Variants in SACM1L observed in about 807,000 individuals in gnomAD.
SACM1L encodes the protein phosphatidylinositol-3-phosphatase SAC1.
SACM1L carries 32 observed loss-of-function variants against 89.5 expected under a neutral mutation model. The observed-to-expected ratio is 0.36, with a 90% CI of 0.27 to 0.48. The LOEUF (loss-of-function observed/expected upper bound fraction) is 0.48. SACM1L is among the 20% of genes least tolerant of loss of function. The pLI is 0.99. For synonymous variants in SACM1L, 213 were observed against 232.8 expected, an observed-to-expected ratio of 0.92 and a Z score of 0.77; for missense variants, 543 against 708.5, an observed-to-expected ratio of 0.77 and a Z score of 2.65.
In SACM1L at chr3:45,732,137, G is replaced by T; in HGVS notation, c.1086G>T (p.Met362Ile). Residue 362 changes from methionine (M) to isoleucine (I), a missense_variant, in exon 13 of 20, where the codon ATG (methionine) becomes ATT (isoleucine). This residue lies in a region of SACM1L where 370 missense variants were observed against 527.6 expected (regional missense o/e 0.70). Coordinates refer to ENST00000389061, the MANE Select transcript of SACM1L (RefSeq NM_014016.5). ...TTTTATTGGATCAGGTAGCAGAAAT[G>T]CAAGATGAATTAAGGTAAGCTATAT... is the stretch of plus-strand genomic sequence containing the variant. ...LSILLDQVAE[M>I]QDELSYFLVD... The T allele has an allele frequency of 6.3e-7, 1 of 1,598,162 alleles. No homozygotes were observed. The highest frequency in any genetic ancestry group is 8.5e-7 in the Non-Finnish European group (1 of 1,170,606).
intron 11 of SACM1L, among the ~76,000 whole-genome samples, chr3:45,724,329 G>GTGTGTT (rs1322892192): frequency 1.3e-5 from 2 of 151,628 alleles, no homozygotes; most frequent in Non-Finnish European, 2.9e-5. Flanking sequence ...GTGTGTGTGT[G>GTGTGTT]TGTGTTTAAT....
At chr3:45,704,981 A>G (rs186665466) in intron 2 of SACM1L, among the ~76,000 whole-genome samples, 154 bp from the exon 3 acceptor site, 2 of 152,360 alleles carry the variant, frequency 1.3e-5, no homozygotes, top group East Asian at 1.9e-4. Flanking sequence ...TTATAGCTCT[A>G]TCAATAGTGC....
chr3:45,705,275 A>C lies in SACM1L; in HGVS notation c.205+66A>C. On this transcript the variant is annotated intron_variant, in intron 3 of 19. Coordinates refer to ENST00000389061, the MANE Select transcript of SACM1L (RefSeq NM_014016.5). ...GCAAGGTAGTTAAATTGTTAATATT[A>C]GAGTGAGTATACGATGAAGTAATAC... The C allele has an allele frequency of 4.3e-6, 4 of 937,016 alleles. No homozygotes were observed. The East Asian group carries it at 7.3e-5, about 17-fold the overall frequency. The allele number at this position is 937,016 out of a possible 1,614,324, so 58.0% of individuals were successfully genotyped here.
chr3:45,706,558 C>G (rs2125687901), intron 3 of SACM1L, among the ~76,000 whole-genome samples: 1 of 152,038 alleles, frequency 6.6e-6, no homozygotes, highest in South Asian at 2.1e-4. Context: ...TTGCTTTTAT[C>G]TTTTTTGAGA....
intron 9 of SACM1L, among the ~76,000 whole-genome samples, 155 bp from the exon 10 acceptor site, chr3:45,722,714 T>G (rs1698815339): frequency 6.6e-6 from 1 of 152,208 alleles, no homozygotes. Context: ...AATATGAACT[T>G]TAGGAGCAGA....
At chr3:45,742,216 C>T (rs1396367561) in intron 19 of SACM1L, among the ~76,000 whole-genome samples, 1 of 152,122 alleles carries the variant, frequency 6.6e-6, no homozygotes, top group African/African-American at 2.4e-5. Flanking sequence ...TTTTAAACTT[C>T]AGAGCCATGA....
intron 13 of SACM1L, among the ~76,000 whole-genome samples, chr3:45,732,524 C>G (rs1411690964): frequency 6.6e-6 from 1 of 152,090 alleles, no homozygotes; most frequent in East Asian, 1.9e-4. Context: ...TGTTTAATGG[C>G]TTTTCTATAT....
rs35433679 is a variant in SACM1L, at chr3:45,715,773, C to CA, written c.577+1709dup. 3.9e-3 allele frequency among the ~76,000 whole-genome samples: 522 copies of CA among 132,456 alleles called. 6 individuals are homozygous for CA. Among genetic ancestry groups the CA allele is most frequent in the Middle Eastern group, 0.016 (4 of 256 alleles). 86.9% of individuals were successfully genotyped at this position (132,456 alleles called of 152,430 possible). A position where few individuals can be genotyped will look rare whatever the true frequency, so the allele number is the denominator to read the frequency against. On this transcript the variant is annotated intron_variant, in intron 7 of 19. Coordinates refer to ENST00000389061, the MANE Select transcript of SACM1L (RefSeq NM_014016.5). Reference sequence around the variant, plus strand: ...TGGATGACACAGCAAGACTCCATCTCAAAAAAAAAAAAAAAGTGTTTATCC... The same window carrying CA: ...TGGATGACACAGCAAGACTCCATCTCAAAAAAAAAAAAAAAAGTGTTTATCC...
chr3:45,724,602 T>G (rs1323897637), intron 11 of SACM1L, among the ~76,000 whole-genome samples: 3 of 152,172 alleles, frequency 2.0e-5, no homozygotes, highest in Non-Finnish European at 2.9e-5. Flanking sequence ...GTTGATTTTT[T>G]ACTCTTGACA....
In SACM1L at chr3:45,705,122, C is replaced by A; in HGVS notation, c.131-13C>A. The A allele has an allele frequency of 6.4e-7, 1 of 1,569,710 alleles. No homozygotes were observed. Among genetic ancestry groups the A allele is most frequent in the Non-Finnish European group, 8.7e-7 (1 of 1,152,228 alleles). On this transcript the variant is annotated splice_polypyrimidine_tract_variant and intron_variant, in intron 2 of 19. Transcript: ENST00000389061. Reference sequence around the variant, plus strand: ...TTTGTATGTGATTTTTCTTTCTTTCCTTTCTTTTAAAGTCAAGAAAGATGT... The same window carrying A: ...TTTGTATGTGATTTTTCTTTCTTTCATTTCTTTTAAAGTCAAGAAAGATGT...
rs1268994334 is a variant in SACM1L, at chr3:45,735,515, A to T, written c.1239+142A>T. 4 of 774,156 alleles carry T rather than the reference A, an allele frequency of 5.2e-6. No homozygotes were observed. In the East Asian group the frequency reaches 8.9e-5, roughly 17 times the overall value. 48.0% of individuals were successfully genotyped at this position (774,156 alleles called of 1,614,324 possible). ...TTTTTGTGTCTTGCCCATGGATGTC[A>T]CATTTTCCATAACTAGGGTCAGTCT... On this transcript the variant is annotated intron_variant, in intron 14 of 19. Coordinates refer to ENST00000389061, the MANE Select transcript of SACM1L (RefSeq NM_014016.5).
At chr3:45,690,635 T>C (rs1483523783) in intron 1 of SACM1L, among the ~76,000 whole-genome samples, 2 of 151,784 alleles carry the variant, frequency 1.3e-5, no homozygotes, top group Admixed American at 1.3e-4. Context: ...AAAAAGATGA[T>C]TGCTTTTTCT....
At position 45,722,959 on chromosome 3, in the gene SACM1L, T is replaced by G. The variant is rs1421051737; in HGVS notation, c.852+4T>G. ...GATCAGCAAAGTAGCAAATCACGTGTGTATCTTGCATGCCTTTTTTGTTGG... is the reference window on the plus strand; with the variant it reads ...GATCAGCAAAGTAGCAAATCACGTGGGTATCTTGCATGCCTTTTTTGTTGG... On this transcript the variant is annotated splice_donor_region_variant and intron_variant, in intron 10 of 19. Coordinates refer to ENST00000389061, the MANE Select transcript of SACM1L (RefSeq NM_014016.5). 6.2e-7 allele frequency: 1 copy of G among 1,609,928 alleles called. No individual in the cohort carries two copies. The highest frequency in any genetic ancestry group is 1.7e-5 in the Admixed American group (1 of 59,826).
chr3:45,726,872 T>TGGTATATTG (rs1559548024), intron 11 of SACM1L, among the ~76,000 whole-genome samples: 1 of 17,510 alleles, frequency 5.7e-5, no homozygotes, highest in African/African-American at 2.4e-4. Flanking sequence ...TTTATTTCTT[T>TGGTATATTG]TTTTTTTTTT....
chr3:45,712,276 G>T (rs1020511690), intron 5 of SACM1L, among the ~76,000 whole-genome samples: 1 of 152,086 alleles, frequency 6.6e-6, no homozygotes, highest in Non-Finnish European at 1.5e-5. Context: ...ACAGAGTCTT[G>T]CTCTGTCACC....
At chr3:45,706,943 A>G (rs2673039) in intron 4 of SACM1L, 36 bp downstream of exon 4, 769,365 of 1,590,992 alleles carry the variant, frequency 0.48, 194,967 homozygotes, top group Non-Finnish European at 0.52. Context: ...TGCAGCGCCC[A>G]AAGAAGTAGC....
chr3:45,701,084 T>G (rs1575386928), intron 1 of SACM1L, among the ~76,000 whole-genome samples: 3 of 152,160 alleles, frequency 2.0e-5, no homozygotes. Flanking sequence ...ACAAAACTTT[T>G]AAAAAATTAT....
At chr3:45,705,000 T>G in intron 2 of SACM1L, 135 bp from the exon 3 acceptor site, 1 of 591,114 alleles carries the variant, frequency 1.7e-6, no homozygotes. Context: ...GCATTTAAGT[T>G]AAGGAATGTT....
At chr3:45,695,981 C>T (rs369045093) in intron 1 of SACM1L, among the ~76,000 whole-genome samples, 13 of 149,404 alleles carry the variant, frequency 8.7e-5, no homozygotes, top group African/African-American at 2.5e-4. Context: ...CATTGTGTAG[C>T]ATGTGTCAGA....
Sources: gnomAD v4.1 joint callset for allele counts (sites outside exome capture counted in the v4.1 genomes callset) on GRCh38, gnomAD v4.1.1 for gene constraint, gnomAD v4.1.1 regional missense constraint, MANE v1.5 for transcripts, NCBI Gene and HGNC (gene_info 2026-07-23, HGNC 2026-07-21) for gene names.